Variants in ANKRD36 observed in about 807,000 individuals in gnomAD.
The protein encoded by ANKRD36 is ankyrin repeat domain 36, also known as ankyrin repeat domain-containing protein 36A.
Under a neutral mutation model 278.1 loss-of-function variants are expected in ANKRD36, and 179 were observed. The observed-to-expected ratio is 0.64, with a 90% CI of 0.57 to 0.73. The LOEUF (loss-of-function observed/expected upper bound fraction) is 0.73, where lower values mean the gene tolerates loss of function less well. Ranked by LOEUF, ANKRD36 falls within the 30% of genes least tolerant of loss-of-function variation. The pLI, the probability that ANKRD36 is intolerant of heterozygous loss-of-function variation, is 0.00. For missense variants in ANKRD36, 1,159 were observed against 1,956.7 expected (o/e 0.59, Z 7.69); for synonymous variants, 320 against 641.1 (o/e 0.50, Z 7.57).
intron 28 of ANKRD36, among the ~76,000 whole-genome samples, chr2:97,184,156 A>C (rs552062789): frequency 3.7e-4 from 56 of 151,764 alleles, no homozygotes; most frequent in African/African-American, 1.3e-3. Flanking sequence ...GAAGTTATTT[A>C]TGTAATTTTG....
chr2:97,207,116 A>T (rs1367442416), intron 52 of ANKRD36, among the ~76,000 whole-genome samples: 1 of 151,580 alleles, frequency 6.6e-6, no homozygotes, highest in Non-Finnish European at 1.5e-5. Context: ...ATAATTGATG[A>T]TATTTTTATT....
rs1263429000 is a variant in ANKRD36 at position 97,190,942 on chromosome 2, T to C, written c.2246-36T>C. ...TGTATGGATAACTTTATCATGTTTA[T>C]ATATGAGTGATTATGTATCCCTTTT... On this transcript the variant is annotated intron_variant, in intron 34 of 75. Transcript: ENST00000420699. 8.1e-6 allele frequency: 13 copies of C among 1,599,286 alleles called. No homozygotes were observed. The Middle Eastern group carries it at 1.4e-3, about 168-fold the overall frequency.
intron 14 of ANKRD36, 56 bp from the exon 15 acceptor site, chr2:97,154,619 T>G: frequency 3.6e-6 from 5 of 1,396,846 alleles, no homozygotes; most frequent in Non-Finnish European, 4.9e-6. Flanking sequence ...TGACGGTTTT[T>G]GTTTTCTTTT....
intron 22 of ANKRD36, among the ~76,000 whole-genome samples, chr2:97,175,778 C>T (rs1441463457): frequency 6.7e-6 from 1 of 149,972 alleles, no homozygotes; most frequent in African/African-American, 2.5e-5. Context: ...ATAAATTTCC[C>T]TCTACACACT....
At chr2:97,210,262 A>T (rs1294902928) in intron 56 of ANKRD36, among the ~76,000 whole-genome samples, 2 of 151,940 alleles carry the variant, frequency 1.3e-5, no homozygotes, top group East Asian at 3.9e-4. Flanking sequence ...TGTTGTAATA[A>T]CCCGTGTACA....
At chr2:97,149,639 C>G (rs537896891) in intron 12 of ANKRD36, among the ~76,000 whole-genome samples, 1 of 151,920 alleles carries the variant, frequency 6.6e-6, no homozygotes, top group Non-Finnish European at 1.5e-5. Flanking sequence ...GGAATGCTTT[C>G]CCACAGTAGA....
chr2:97,209,530 C>T, intron 54 of ANKRD36, 151 bp from the exon 55 acceptor site: 3 of 1,504,604 alleles, frequency 2.0e-6, no homozygotes, highest in Non-Finnish European at 2.7e-6. Context: ...GTATTTCTGT[C>T]ATGTTCTGAT....
chr2:97,220,776 T>TTTTTTTTTTTTTTTTTAA (rs2067363847), intron 66 of ANKRD36, among the ~76,000 whole-genome samples: 1 of 77,102 alleles, frequency 1.3e-5, no homozygotes, highest in Non-Finnish European at 2.2e-5. Flanking sequence ...TTTTTTTTAA[T>TTTTTTTTTTTTTTTTTAA]TTTTTTTTTT....
At chr2:97,232,771 A>C (rs1481060166) in intron 67 of ANKRD36, among the ~76,000 whole-genome samples, 1 of 151,090 alleles carries the variant, frequency 6.6e-6, no homozygotes, top group African/African-American at 2.4e-5. Flanking sequence ...CAGATACTGA[A>C]CATGTTTTTA....
chr2:97,138,412 A>G (rs991080384), intron 6 of ANKRD36, among the ~76,000 whole-genome samples: 3 of 152,070 alleles, frequency 2.0e-5, no homozygotes, highest in African/African-American at 7.2e-5. Flanking sequence ...GGAGAACTAC[A>G]AACCACCACT....
chr2:97,142,847 T>A lies in ANKRD36; in HGVS notation c.901+12T>A, dbSNP rs779515367. On this transcript the variant is annotated intron_variant, in intron 8 of 75. Coordinates refer to ENST00000420699, the MANE Select transcript of ANKRD36 (RefSeq NM_001354587.1). The stretch of plus-strand genomic sequence containing the variant: ...AAAATCTGGGACAGGTATTTTGGAA[T>A]ACACATTTAATGTCATGTTCACTCA... The A allele has an allele frequency of 1.3e-6, 2 of 1,552,550 alleles. No homozygotes were observed. Among genetic ancestry groups the A allele is most frequent in the Admixed American group, 2.0e-5 (1 of 50,546 alleles).
At chr2:97,158,716 A>G (rs936706771) in intron 17 of ANKRD36, 61 bp downstream of exon 17, 10 of 1,414,138 alleles carry the variant, frequency 7.1e-6, no homozygotes, top group East Asian at 5.1e-5. Context: ...CTGTTCACCA[A>G]CTCACTCTTA....
At chr2:97,211,033 C>T (rs1339516887) in intron 56 of ANKRD36, among the ~76,000 whole-genome samples, 2 of 151,858 alleles carry the variant, frequency 1.3e-5, no homozygotes, top group Non-Finnish European at 2.9e-5. Context: ...CAATTTAGGA[C>T]ACTTCCACTG....
At chr2:97,197,812 TG>T (rs1232467330) in intron 42 of ANKRD36, among the ~76,000 whole-genome samples, 1 of 151,882 alleles carries the variant, frequency 6.6e-6, no homozygotes, top group East Asian at 1.9e-4. Flanking sequence ...GTGCCAAGAC[TG>T]GATGAAGAAA....
At chr2:97,193,079 C>T (rs1441325594) in intron 38 of ANKRD36, 26 bp downstream of exon 38, 1 of 1,514,362 alleles carries the variant, frequency 6.6e-7, no homozygotes, top group East Asian at 2.5e-5. Context: ...GATTTAATGT[C>T]ATGTTCAGTG....
At chr2:97,172,620 G>T (rs2052922842) in intron 22 of ANKRD36, among the ~76,000 whole-genome samples, 1 of 152,048 alleles carries the variant, frequency 6.6e-6, no homozygotes, top group Admixed American at 6.6e-5. Context: ...GCTTTTCAGA[G>T]ACTAACAGTA....
At chr2:97,118,002 G>A (rs1454459610) in intron 1 of ANKRD36, 62 bp from the exon 2 acceptor site, 6 of 1,530,898 alleles carry the variant, frequency 3.9e-6, no homozygotes, top group Non-Finnish European at 3.5e-6. Context: ...TGAAGACAGA[G>A]AAATGACATG....
chr2:97,197,881 C>G (rs562987370), intron 42 of ANKRD36, among the ~76,000 whole-genome samples: 2 of 151,812 alleles, frequency 1.3e-5, no homozygotes, highest in African/African-American at 2.4e-5. Context: ...TACTCCATAT[C>G]GGGGTGAGAG....
At chr2:97,213,285 TC>T (rs1487908012) in intron 58 of ANKRD36, 133 bp from the exon 59 acceptor site, 2 of 280,228 alleles carry the variant, frequency 7.1e-6, no homozygotes, top group African/African-American at 5.6e-5. Flanking sequence ...CAGTCCCGAG[TC>T]ACAAAGTAGA....
Sources: gnomAD v4.1 joint callset for allele counts (sites outside exome capture counted in the v4.1 genomes callset) on GRCh38, gnomAD v4.1.1 for gene constraint, MANE v1.5 for transcripts, NCBI Gene and HGNC (gene_info 2026-07-23, HGNC 2026-07-21) for gene names.